PTPRM: variants seen among roughly 807,000 people sequenced by gnomAD.
The protein encoded by PTPRM is receptor-type tyrosine-protein phosphatase mu.
PTPRM carries 47 observed loss-of-function variants against 186.7 expected under a neutral mutation model. That is an observed-to-expected ratio of 0.25 (90% CI 0.20 to 0.32). The LOEUF (loss-of-function observed/expected upper bound fraction) is 0.32. Ranked by LOEUF, PTPRM falls within the 10% of genes least tolerant of loss-of-function variation. PTPRM has a pLI of 1.00. For synonymous variants in PTPRM, 668 were observed against 674.9 expected (o/e 0.99, Z 0.16); for missense variants, 1,494 against 1,865.0 (o/e 0.80, Z 3.66).
At chr18:8,281,981 G>C (rs190700404) in intron 19 of PTPRM, among the ~76,000 whole-genome samples, 2 of 152,032 alleles carry the variant, frequency 1.3e-5, no homozygotes, top group East Asian at 1.9e-4. Flanking sequence ...AACTCTTGCT[G>C]TGTAAGAGGA....
intron 7 of PTPRM, among the ~76,000 whole-genome samples, chr18:7,974,894 C>A (rs1297458960): frequency 6.6e-6 from 1 of 152,204 alleles, no homozygotes; most frequent in African/African-American, 2.4e-5. Flanking sequence ...TCAGTAATGA[C>A]AGTGTATATC....
At chr18:7,911,102 A>AAT (rs2050240792) in intron 4 of PTPRM, among the ~76,000 whole-genome samples, 1 of 152,204 alleles carries the variant, frequency 6.6e-6, no homozygotes, top group African/African-American at 2.4e-5. Flanking sequence ...AGTGTATATC[A>AAT]ATATTTCACT....
chr18:7,693,497 A>T (rs985602417), intron 1 of PTPRM, among the ~76,000 whole-genome samples: 1 of 152,224 alleles, frequency 6.6e-6, no homozygotes, highest in Admixed American at 6.5e-5. Context: ...AACATATGGT[A>T]AATTGGTAAC....
intron 1 of PTPRM, among the ~76,000 whole-genome samples, chr18:7,685,142 A>T (rs2039571315): frequency 6.6e-6 from 1 of 152,172 alleles, no homozygotes; most frequent in Admixed American, 6.5e-5. Flanking sequence ...AGGATGTGGG[A>T]TCTGGGGTGG....
intron 1 of PTPRM, among the ~76,000 whole-genome samples, chr18:7,573,329 C>T (rs567783172): frequency 3.3e-5 from 5 of 152,190 alleles, no homozygotes; most frequent in South Asian, 2.1e-4. Context: ...GCCTCAGTGA[C>T]GTTAGGTGGC....
At position 7,906,558 on chromosome 18, in the gene PTPRM, G is replaced by A; in HGVS notation, c.522G>A (p.Glu174=). The A allele has an allele frequency of 6.2e-7, 1 of 1,613,362 alleles. No individual in the cohort carries two copies. The highest frequency in any genetic ancestry group is 1.1e-5 in the South Asian group (1 of 91,060). ...ATCAAGGCTATCTCGCTATCGATGAGGTGAAGGTGTTAGGACATCCATGTA... is the reference window on the plus strand; with the variant it reads ...ATCAAGGCTATCTCGCTATCGATGAAGTGAAGGTGTTAGGACATCCATGTA... ...SGHQGYLAID[E]VKVLGHPCTR... is the part of the protein sequence containing the mutation. The change falls in exon 4 of 33, where the codon GAG becomes GAA. Residue 174 remains glutamate (E), a synonymous_variant. Transcript: ENST00000580170.
intron 4 of PTPRM, among the ~76,000 whole-genome samples, chr18:7,924,613 T>C (rs1244819454): frequency 1.3e-5 from 2 of 152,120 alleles, no homozygotes; most frequent in African/African-American, 4.8e-5. Flanking sequence ...TAAGGATAGG[T>C]GTGTGGTTTT....
chr18:7,746,934 G>GC (rs2041005269), intron 1 of PTPRM, among the ~76,000 whole-genome samples: 1 of 152,158 alleles, frequency 6.6e-6, no homozygotes, highest in African/African-American at 2.4e-5. Context: ...CAGGGAGAGG[G>GC]CAGAGGTAAA....
intron 14 of PTPRM, among the ~76,000 whole-genome samples, chr18:8,165,875 T>A (rs507173): frequency 0.85 from 128,868 of 151,990 alleles, 57,973 homozygotes; most frequent in East Asian, 1. Flanking sequence ...TGATTTTTTT[T>A]AAATGTAAGA....
chr18:7,799,710 T>A (rs2043852670), intron 2 of PTPRM, among the ~76,000 whole-genome samples: 1 of 152,184 alleles, frequency 6.6e-6, no homozygotes. Flanking sequence ...GTTGTCTTTT[T>A]AAAAAAAATG....
At chr18:8,404,893 A>G (rs1425737657) in intron 32 of PTPRM, 1 of 152,314 alleles carries the variant, frequency 6.6e-6, no homozygotes. Context: ...CACTCCATGC[A>G]TACAGGTGCA....
chr18:7,640,980 A>G (rs1803843843), intron 1 of PTPRM, among the ~76,000 whole-genome samples: 3 of 152,208 alleles, frequency 2.0e-5, no homozygotes, highest in Admixed American at 2.0e-4. Context: ...AATGCAGATG[A>G]GAATAGAGCA....
At chr18:7,663,895 C>A (rs1043642894) in intron 1 of PTPRM, among the ~76,000 whole-genome samples, 2 of 152,132 alleles carry the variant, frequency 1.3e-5, no homozygotes, top group East Asian at 3.9e-4. Flanking sequence ...CCTCTGCCCC[C>A]CTCCAGCCCC....
chr18:7,863,161 T>C (rs1449205603), intron 2 of PTPRM, among the ~76,000 whole-genome samples: 1 of 152,180 alleles, frequency 6.6e-6, no homozygotes, highest in Non-Finnish European at 1.5e-5. Context: ...GGCAGTTTCA[T>C]GTGCGTAGGT....
chr18:8,305,776 G>C (rs1305124715), intron 20 of PTPRM, among the ~76,000 whole-genome samples: 1 of 152,144 alleles, frequency 6.6e-6, no homozygotes, highest in Non-Finnish European at 1.5e-5. Flanking sequence ...AAGATTGGCT[G>C]CTTCCAGTTT....
intron 8 of PTPRM, among the ~76,000 whole-genome samples, chr18:8,072,964 C>T (rs1226998568): frequency 6.6e-6 from 1 of 151,818 alleles, no homozygotes; most frequent in Non-Finnish European, 1.5e-5. Flanking sequence ...TATCTGAATC[C>T]CCATTAGGGT....
At chr18:7,644,440 A>G (rs187042222) in intron 1 of PTPRM, among the ~76,000 whole-genome samples, 4 of 152,286 alleles carry the variant, frequency 2.6e-5, no homozygotes, top group South Asian at 2.1e-4. Flanking sequence ...CAGTTCTACT[A>G]TGTAGAAGAG....
At chr18:8,248,331 A>G (rs7238476) in intron 17 of PTPRM, 155 bp downstream of exon 17, 41,546 of 780,416 alleles carry the variant, frequency 0.053, 1,291 homozygotes, top group Non-Finnish European at 0.067. Flanking sequence ...GGTTAAAGGA[A>G]AAAGAGACTT....
intron 9 of PTPRM, among the ~76,000 whole-genome samples, chr18:8,078,636 G>A (rs1195681776): frequency 2.0e-5 from 3 of 152,184 alleles, no homozygotes; most frequent in African/African-American, 7.2e-5. Context: ...GGCCGCTCTT[G>A]TTTGGCTATA....
Sources: allele counts gnomAD v4.1 joint callset (sites outside exome capture counted in the v4.1 genomes callset), GRCh38; gene constraint gnomAD v4.1.1; transcripts MANE v1.5; gene names NCBI Gene and HGNC (gene_info 2026-07-23, HGNC 2026-07-21).